The following LYST variants were observed in gnomAD, a reference collection of about 807,000 sequenced individuals.
LYST encodes the protein lysosomal trafficking regulator, also known as lysosomal-trafficking regulator.
Under a neutral mutation model 413.6 loss-of-function variants are expected in LYST, and 192 were observed. That is an observed-to-expected ratio of 0.46 (90% CI 0.41 to 0.52). The LOEUF is 0.52. Ranked by LOEUF, LYST falls within the 20% of genes least tolerant of loss-of-function variation. The pLI is 0.00. For missense variants in LYST, 3,815 were observed against 4,499.9 expected, an observed-to-expected ratio of 0.85 and a Z score of 4.35; for synonymous variants, 1,525 against 1,567.3, an observed-to-expected ratio of 0.97 and a Z score of 0.64.
At chr1:235,746,558 TC>T in intron 28 of LYST, 31 bp from the exon 29 acceptor site, 1 of 1,521,982 alleles carries the variant, frequency 6.6e-7, no homozygotes, top group Non-Finnish European at 9.1e-7. Context: ...AAACATCAAA[TC>T]CCAGTGTTAA....
chr1:235,740,491 C>G (rs1295532488), intron 31 of LYST, among the ~76,000 whole-genome samples: 1 of 152,060 alleles, frequency 6.6e-6, no homozygotes, highest in African/African-American at 2.4e-5. Context: ...TTTGCTTGTT[C>G]CTTCAGATGA....
At chr1:235,791,532 T>C in intron 12 of LYST, 167 bp downstream of exon 12, 1 of 661,210 alleles carries the variant, frequency 1.5e-6, no homozygotes, top group East Asian at 2.7e-5. Context: ...CAAGGCTTTA[T>C]GACAACTCAT....
chr1:235,786,910 GA>G (rs1329716635), intron 14 of LYST, among the ~76,000 whole-genome samples: 4 of 100,108 alleles, frequency 4.0e-5, no homozygotes, highest in Admixed American at 1.5e-4. Flanking sequence ...GGGGTGGGGG[GA>G]GGGGGGAGGG....
chr1:235,805,514 T>C (rs942605929), intron 6 of LYST, among the ~76,000 whole-genome samples: 3 of 151,952 alleles, frequency 2.0e-5, no homozygotes, highest in South Asian at 4.2e-4. Context: ...ACAATATCCA[T>C]TATTATTCAT....
At chr1:235,715,868 T>A (rs1311567634) in intron 41 of LYST, among the ~76,000 whole-genome samples, 5 of 146,232 alleles carry the variant, frequency 3.4e-5, no homozygotes, top group African/African-American at 7.6e-5. Context: ...TTATCAGAGA[T>A]AAAAAAAAAA....
At chr1:235,869,471 C>T (rs78622617), upstream of LYST, among the ~76,000 whole-genome samples, 1 of 145,480 alleles carries the variant, frequency 6.9e-6, no homozygotes, top group African/African-American at 2.5e-5. Flanking sequence ...GACTCCGTCT[C>T]AAAAAAAAAA....
intron 46 of LYST, among the ~76,000 whole-genome samples, chr1:235,695,109 T>G (rs866610144): frequency 6.6e-6 from 1 of 152,190 alleles, no homozygotes; most frequent in Non-Finnish European, 1.5e-5. Context: ...TAGTAAACAC[T>G]GACCTCTCCC....
chr1:235,830,039 C>T, intron 3 of LYST, 187 bp downstream of exon 3: 1 of 574,524 alleles, frequency 1.7e-6, no homozygotes. Flanking sequence ...TAAGATATTT[C>T]AGACGTTTTG....
intron 22 of LYST, among the ~76,000 whole-genome samples, chr1:235,760,413 T>C (rs959693843): frequency 1.3e-5 from 2 of 152,230 alleles, no homozygotes; most frequent in Non-Finnish European, 2.9e-5. Context: ...CACTTCTTGC[T>C]GTTATTAGTG....
Position 235,808,448 on chromosome 1 carries a change from T to C in LYST, c.2363+7A>G, listed in dbSNP as rs1572334659. 9 of 1,480,754 alleles carry C rather than the reference T, an allele frequency of 6.1e-6. No homozygotes were observed. Among genetic ancestry groups the C allele is most frequent in the South Asian group, 1.1e-5 (1 of 88,384 alleles). The allele number at this position is 1,480,754 out of a possible 1,614,324, so 91.7% of individuals were successfully genotyped here. On this transcript the variant is annotated splice_region_variant and intron_variant, in intron 5 of 52. Transcript: ENST00000389793. ...CCGCCCCCGCCGCCACCCACACACA[T>C]ACAAACCTGGATTTAAGCAGGATAG...
chr1:235,677,252 TA>T, intron 49 of LYST, 64 bp from the exon 50 acceptor site: 1 of 1,318,742 alleles, frequency 7.6e-7, no homozygotes, highest in Non-Finnish European at 1.1e-6. Flanking sequence ...TCTTATTTTG[TA>T]ATTCTTCTTC....
chr1:235,788,894 TGAGTA>T, intron 12 of LYST, 49 bp from the exon 13 acceptor site: 1 of 1,559,598 alleles, frequency 6.4e-7, no homozygotes, highest in Non-Finnish European at 8.8e-7. Flanking sequence ...TCGTAACAAC[TGAGTA>T]GAAAAGTGAA....
intron 10 of LYST, among the ~76,000 whole-genome samples, chr1:235,795,970 C>A (rs962308230): frequency 4.0e-5 from 6 of 151,386 alleles, no homozygotes; most frequent in East Asian, 3.9e-4. Flanking sequence ...AGAAAACAAT[C>A]AAAAAAGAGC....
At chr1:235,716,862 G>A in intron 40 of LYST, 84 bp from the exon 41 acceptor site, 1 of 778,206 alleles carries the variant, frequency 1.3e-6, no homozygotes, top group South Asian at 1.5e-5. Flanking sequence ...CTTGTAAGTA[G>A]GTAAGTGGTC....
chr1:235,769,100 A>T (rs905634487), intron 20 of LYST, among the ~76,000 whole-genome samples: 19 of 152,086 alleles, frequency 1.2e-4, no homozygotes, highest in African/African-American at 4.6e-4. Flanking sequence ...AATAACTAAC[A>T]AACTGTATGT....
At position 235,810,389 on chromosome 1, in the gene LYST, G is replaced by A. The variant is rs540072477; in HGVS notation, c.429C>T (p.Ser143=). Residue 143 remains serine (S), a synonymous_variant, in exon 5 of 53, where the codon AGC becomes AGT. Coordinates refer to ENST00000389793, the MANE Select transcript of LYST (RefSeq NM_000081.4). The stretch of plus-strand genomic sequence containing the variant: ...GATGGGTAATTTTACGCTGTCGTCT[G>A]CTTTTTCGAAAAACATTTACTTTTG... The part of the protein sequence containing the change: ...VSAKVNVFRK[S]RRQRKITHRY... 1 of 1,612,464 alleles carries A rather than the reference G, an allele frequency of 6.2e-7. No individual in the cohort carries two copies. The highest frequency in any genetic ancestry group is 1.3e-5 in the African/African-American group (1 of 74,848).
chr1:235,809,697 A>T lies in LYST; in HGVS notation c.1121T>A (p.Phe374Tyr). The T allele has an allele frequency of 2.5e-6, 4 of 1,613,672 alleles. No homozygotes were observed. The highest frequency in any genetic ancestry group is 3.4e-6 in the Non-Finnish European group (4 of 1,179,860). ...CAGTGTTTTCTTTTGTCTTGGTGCA[A>T]AAGGGTCAGGCTGCTTTTCTAGGCA... ...RICLEKQPDPFAPRQKKTLQE... is the reference protein window; with the variant it reads ...RICLEKQPDPYAPRQKKTLQE... The change falls in exon 5 of 53, where the codon TTT becomes TAT. Residue 374 changes from phenylalanine to tyrosine, a missense_variant. Phe to Tyr is a conservative substitution (Grantham distance 22, BLOSUM62 3). This residue lies in a region of LYST where 1,648 missense variants were observed against 1,810.3 expected (regional missense o/e 0.91). Transcript: ENST00000389793. The surrounding 1 kb of genome is among the most constrained non-coding windows in gnomAD (Gnocchi z 4.0).
At chr1:235,736,902 G>T (rs1041736748) in intron 31 of LYST, 1 of 151,952 alleles carries the variant, frequency 6.6e-6, no homozygotes, top group Non-Finnish European at 1.5e-5. Context: ...GAGCGGAAAG[G>T]GATAAAAGCT....
chr1:235,735,704 T>C (rs1664762721), intron 31 of LYST: 1 of 152,170 alleles, frequency 6.6e-6, no homozygotes, highest in Non-Finnish European at 1.5e-5. Context: ...AGCAAATGGA[T>C]CTGGAAATGA....
Sources: gnomAD v4.1 joint callset for allele counts (sites outside exome capture counted in the v4.1 genomes callset) on GRCh38, gnomAD v4.1.1 for gene constraint, gnomAD v4.1.1 regional missense constraint, Gnocchi (gnomAD v3.1) non-coding constraint, MANE v1.5 for transcripts, NCBI Gene and HGNC (gene_info 2026-07-23, HGNC 2026-07-21) for gene names.